The following TGIF1 variants were observed in gnomAD, a reference collection of about 807,000 sequenced individuals.
TGIF1 encodes TGFB induced factor homeobox 1.
In TGIF1, 4 loss-of-function variants were observed where a neutral mutation model predicts 19.3. The ratio of observed to expected loss-of-function variants is 0.21; its 90% confidence interval spans 0.10 to 0.47. The LOEUF is 0.47. Ranked by LOEUF, TGIF1 falls within the 20% of genes least tolerant of loss-of-function variation. The pLI is 0.98. For missense variants in TGIF1, 275 were observed against 341.4 expected (o/e 0.81, Z 1.53); for synonymous variants, 122 against 129.3 (o/e 0.94, Z 0.38).
In TGIF1 at chr18:3,451,429, T is replaced by C. The variant is rs2082923235; in HGVS notation, c.16+924T>C. On this transcript the variant is annotated intron_variant, in intron 1 of 2. Coordinates refer to ENST00000343820, the MANE Select transcript of TGIF1 (RefSeq NM_003244.4). This position sits in a 1 kb window ranked among gnomAD's most constrained non-coding sequence, Gnocchi z 5.4. Reference sequence around the variant, plus strand: ...CCTTTTGAAGTTAACAAAAATTGAGTCCCTGGCTGGGAGGTCCCCCGAGTG... The same window carrying C: ...CCTTTTGAAGTTAACAAAAATTGAGCCCCTGGCTGGGAGGTCCCCCGAGTG... The C allele has an allele frequency of 1.0e-6, 1 of 985,272 alleles. No homozygotes were observed. Among genetic ancestry groups the C allele is most frequent in the Non-Finnish European group, 1.2e-6 (1 of 829,914 alleles). The allele number at this position is 985,272 out of a possible 1,614,324, so 61.0% of individuals were successfully genotyped here. A position where few individuals can be genotyped will look rare whatever the true frequency, so the allele number is the denominator to read the frequency against.
At chr18:3,449,991 AC>A (rs1033456086), upstream of TGIF1, 12 of 987,462 alleles carry the variant, frequency 1.2e-5, no homozygotes, top group African/African-American at 1.8e-5. Context: ...GGACCCGGCC[AC>A]CCCCCGCGTC....
In TGIF1 at chr18:3,451,904, C is replaced by T. The variant is rs1234369779; in HGVS notation, c.16+1399C>T. On this transcript the variant is annotated intron_variant, in intron 1 of 2. Transcript: ENST00000343820. This position sits in a 1 kb window ranked among gnomAD's most constrained non-coding sequence, Gnocchi z 5.4. Reference sequence around the variant, plus strand: ...AAAGCCGTGCCGACCCTTGGGAGGACTGACAGGTCTAGAGACACGCGCTGT... The same window carrying T: ...AAAGCCGTGCCGACCCTTGGGAGGATTGACAGGTCTAGAGACACGCGCTGT... The T allele has an allele frequency of 3.3e-6, 5 of 1,500,582 alleles. No individual in the cohort carries two copies. Among genetic ancestry groups the T allele is most frequent in the South Asian group, 1.4e-5 (1 of 72,096 alleles). 93.0% of individuals were successfully genotyped at this position (1,500,582 alleles called of 1,614,324 possible).
Position 3,450,395 on chromosome 18 carries a change from T to A in TGIF1, c.-95T>A, listed in dbSNP as rs888398986. 6.5e-7 allele frequency: 1 copy of A among 1,544,236 alleles called. No homozygotes were observed. Among genetic ancestry groups the A allele is most frequent in the Non-Finnish European group, 8.7e-7 (1 of 1,143,502 alleles). Reference sequence around the variant, plus strand: ...GCACGTCCTACAAGTTACGGGAGAGTCGGCTGTGAAGGAGACGTTCGCTTA... The same window carrying A: ...GCACGTCCTACAAGTTACGGGAGAGACGGCTGTGAAGGAGACGTTCGCTTA... On this transcript the variant is annotated 5_prime_UTR_variant, in exon 1 of 3. Coordinates refer to ENST00000343820, the MANE Select transcript of TGIF1 (RefSeq NM_003244.4).
upstream of TGIF1, chr18:3,447,654 G>A (rs2082766482): frequency 4.6e-6 from 7 of 1,508,500 alleles, no homozygotes; most frequent in East Asian, 9.0e-5. Context: ...TACGGGAGCG[G>A]TTGGGCTGTA....
At chr18:3,421,363 TTACTA>T (rs1260292846) in intron 2 of TGIF1, among the ~76,000 whole-genome samples, 1 of 147,998 alleles carries the variant, frequency 6.8e-6, no homozygotes, top group East Asian at 1.9e-4. Flanking sequence ...AGTTTGCGTC[TTACTA>T]TACTATATAT....
At chr18:3,445,603 G>A (rs901559117), upstream of TGIF1, among the ~76,000 whole-genome samples, 4 of 150,552 alleles carry the variant, frequency 2.7e-5, no homozygotes, top group South Asian at 4.2e-4. Flanking sequence ...AGGTGCCTGT[G>A]GTCCCAGCTA....
Position 3,450,466 on chromosome 18 carries a change from T to G in TGIF1, c.-24T>G. On this transcript the variant is annotated 5_prime_UTR_variant, in exon 1 of 3. Coordinates refer to ENST00000343820, the MANE Select transcript of TGIF1 (RefSeq NM_003244.4). ...GGCCCCTCCAGACCCCCGCCTTGCC[T>G]CGCGCTGGGAGGGGAGATCCAGAAT... 6.4e-7 allele frequency: 1 copy of G among 1,556,310 alleles called. No individual in the cohort carries two copies.
chr18:3,452,313 C>T (rs1255680304), intron 1 of TGIF1: 2 of 1,612,878 alleles, frequency 1.2e-6, no homozygotes, highest in African/African-American at 1.3e-5. Context: ...TCGGTGGGAA[C>T]TTCCGCGGTC....
chr18:3,419,684 C>G (rs2082375875), intron 2 of TGIF1, among the ~76,000 whole-genome samples: 1 of 152,128 alleles, frequency 6.6e-6, no homozygotes, highest in African/African-American at 2.4e-5. Context: ...TCTATATGCT[C>G]CATATAAAAA....
rs762068419 is a variant in TGIF1 at position 3,452,429 on chromosome 18, G to T, written c.16+1924G>T. ...TTTGCGACTGGTTCAGGGCTCTTTG[G>T]GGGAGCCGAGGCTGCCGAGGTTACC... On this transcript the variant is annotated intron_variant, in intron 1 of 2. Coordinates refer to ENST00000343820, the MANE Select transcript of TGIF1 (RefSeq NM_003244.4). 5 of 1,612,186 alleles carry T rather than the reference G, an allele frequency of 3.1e-6. No individual in the cohort carries two copies. The Middle Eastern group carries it at 6.6e-4, about 213-fold the overall frequency.
At chr18:3,452,328 T>C in intron 1 of TGIF1, 1 of 1,613,120 alleles carries the variant, frequency 6.2e-7, no homozygotes, top group Non-Finnish European at 8.5e-7. Context: ...GCGGTCCCCA[T>C]CCCAGGGCGC....
chr18:3,449,759 T>G, upstream of TGIF1: 1 of 985,436 alleles, frequency 1.0e-6, no homozygotes, highest in South Asian at 4.7e-5. Context: ...TCGGGGCAGC[T>G]GTCAAAAACG....
intron 2 of TGIF1, among the ~76,000 whole-genome samples, chr18:3,433,337 G>A (rs767555978): frequency 3.4e-4 from 51 of 152,128 alleles, no homozygotes; most frequent in Non-Finnish European, 6.8e-4. Context: ...GCCTCCCAAA[G>A]TGCTAGGATT....
chr18:3,457,449 A>G lies in TGIF1; in HGVS notation c.328A>G (p.Ile110Val), dbSNP rs759068588. The G allele has an allele frequency of 9.3e-6, 15 of 1,614,062 alleles. No homozygotes were observed. The East Asian group carries it at 1.3e-4, about 14-fold the overall frequency. ...KDGKDPNQFT[I>V]SRRGAKISET... ...TGGCAAAGATCCAAATCAGTTCACA[A>G]TTTCCCGCCGTGGGGCCAAGATTTC... Residue 110 changes from isoleucine to valine, a missense_variant, in exon 3 of 3, where the codon ATT becomes GTT. Transcript: ENST00000343820. The surrounding 1 kb of genome is among the most constrained non-coding windows in gnomAD (Gnocchi z 4.9).
At chr18:3,452,102 C>T (rs2082967433) in intron 1 of TGIF1, 27 of 1,613,928 alleles carry the variant, frequency 1.7e-5, no homozygotes, top group Non-Finnish European at 2.2e-5. Flanking sequence ...CCCAGTGCTC[C>T]TTTTCCACGG....
intron 2 of TGIF1, among the ~76,000 whole-genome samples, chr18:3,435,258 T>C (rs2082600498): frequency 6.6e-6 from 1 of 151,518 alleles, no homozygotes; most frequent in Admixed American, 6.6e-5. Flanking sequence ...AGTGGTGTGA[T>C]CTCGGCTCAC....
chr18:3,414,790 A>C (rs1288048198), intron 1 of TGIF1, among the ~76,000 whole-genome samples: 2 of 152,182 alleles, frequency 1.3e-5, no homozygotes, highest in Non-Finnish European at 1.5e-5. Flanking sequence ...GCACAGCTGT[A>C]GTCCAAGCTA....
intron 1 of TGIF1, among the ~76,000 whole-genome samples, chr18:3,453,251 C>A (rs937450666): frequency 1.3e-5 from 2 of 151,994 alleles, no homozygotes; most frequent in African/African-American, 2.4e-5. Context: ...AGGAGAACTT[C>A]TGGTCAGGAA....
intron 1 of TGIF1, among the ~76,000 whole-genome samples, chr18:3,413,236 C>T (rs1324212528): frequency 1.3e-5 from 2 of 152,086 alleles, no homozygotes; most frequent in African/African-American, 4.8e-5. Context: ...ATTAAATTCA[C>T]GGAACTGTTT....
Sources: gnomAD v4.1 joint callset for allele counts (sites outside exome capture counted in the v4.1 genomes callset) on GRCh38, gnomAD v4.1.1 for gene constraint, Gnocchi (gnomAD v3.1) non-coding constraint, MANE v1.5 for transcripts, NCBI Gene and HGNC (gene_info 2026-07-23, HGNC 2026-07-21) for gene names.